Variants in DNAH9 observed in about 807,000 individuals in gnomAD.
The protein encoded by DNAH9 is DNAH9 variant protein.
DNAH9 carries 345 observed loss-of-function variants against 471.6 expected under a neutral mutation model. The observed-to-expected ratio is 0.73, with a 90% CI of 0.67 to 0.80. The LOEUF (loss-of-function observed/expected upper bound fraction) is 0.80. Ranked by LOEUF, DNAH9 falls within the 30% of genes least tolerant of loss-of-function variation. The pLI, the probability that DNAH9 is intolerant of heterozygous loss-of-function variation, is 0.00. For missense variants in DNAH9, 5,407 were observed against 5,609.2 expected, an observed-to-expected ratio of 0.96 and a Z score of 1.15; for synonymous variants, 2,093 against 2,123.6, an observed-to-expected ratio of 0.99 and a Z score of 0.40.
At chr17:11,683,457 C>A (rs1427119711) in intron 19 of DNAH9, among the ~76,000 whole-genome samples, 1 of 152,166 alleles carries the variant, frequency 6.6e-6, no homozygotes, top group African/African-American at 2.4e-5. Context: ...CAGGCATGAA[C>A]CACCACGCCC....
Position 11,756,610 on chromosome 17 carries a change from A to G in DNAH9, c.6781A>G (p.Thr2261Ala). 6.2e-7 allele frequency: 1 copy of G among 1,613,830 alleles called. No individual in the cohort carries two copies. Among genetic ancestry groups the G allele is most frequent in the Non-Finnish European group, 8.5e-7 (1 of 1,179,816 alleles). ...ASNERIPLNP[T>A]MKLLFEISHL... ...CAATGAGAGGATTCCTCTGAACCCC[A>G]CCATGAAGCTCCTCTTTGAGATCAG... The change falls in exon 34 of 69, where the codon ACC becomes GCC. Residue 2261 changes from threonine (T) to alanine (A), a missense_variant. Thr to Ala is a moderately conservative substitution (Grantham distance 58, BLOSUM62 0). This residue lies in a region of DNAH9 where 4,636 missense variants were observed against 4,900.3 expected (regional missense o/e 0.95). Coordinates refer to ENST00000262442, the MANE Select transcript of DNAH9 (RefSeq NM_001372.4).
Position 11,652,907 on chromosome 17 carries a change from G to A in DNAH9, c.2500G>A (p.Glu834Lys), listed in dbSNP as rs1440231286. Reference sequence around the variant, plus strand: ...ATTTAAGACAAAAGATGGAAAAAGGGAATCCCTTCTTTCTCTGGATGATCG... The same window carrying A: ...ATTTAAGACAAAAGATGGAAAAAGGAAATCCCTTCTTTCTCTGGATGATCG... ...PIFKTKDGKR[E>K]SLLSLDDRHD... is the part of the protein sequence containing the mutation. Residue 834 changes from glutamate (E) to lysine (K), a missense_variant, in exon 14 of 69, where the codon GAA becomes AAA. Physicochemically the swap from Glu to Lys is moderately conservative, Grantham distance 56. Around this residue, in one of 3 missense-constraint regions of DNAH9, gnomAD observed 4,636 missense variants for 4,900.3 expected, o/e 0.95. Transcript: ENST00000262442. 5 of 1,613,966 alleles carry A rather than the reference G, an allele frequency of 3.1e-6. No homozygotes were observed. The highest frequency in any genetic ancestry group is 4.2e-6 in the Non-Finnish European group (5 of 1,179,876).
intron 6 of DNAH9, among the ~76,000 whole-genome samples, chr17:11,627,871 G>T (rs935141666): frequency 6.6e-6 from 1 of 152,130 alleles, no homozygotes; most frequent in African/African-American, 2.4e-5. Context: ...CCACTTCCCA[G>T]CGCCTCTGTC....
intron 52 of DNAH9, among the ~76,000 whole-genome samples, chr17:11,874,074 G>A (rs1486989627): frequency 4.0e-5 from 6 of 151,898 alleles, no homozygotes; most frequent in South Asian, 2.1e-4. Context: ...GTGAAACCTC[G>A]TCTCTACTAA....
chr17:11,706,346 G>T (rs1437340877), intron 26 of DNAH9, among the ~76,000 whole-genome samples: 1 of 152,018 alleles, frequency 6.6e-6, no homozygotes, highest in Non-Finnish European at 1.5e-5. Context: ...ACACATGAAT[G>T]AATTCACGCC....
At chr17:11,818,925 C>T (rs1214202231) in intron 45 of DNAH9, among the ~76,000 whole-genome samples, 1 of 150,392 alleles carries the variant, frequency 6.6e-6, no homozygotes, top group African/African-American at 2.4e-5. Context: ...GCAGTTTTCT[C>T]TTTTCCTCCA....
chr17:11,884,651 G>T lies in DNAH9; in HGVS notation c.10971+901G>T, dbSNP rs867237519. ...CCAGGTCATACCCACTCTGGGGTGA[G>T]GGACAGTTGAGGTTGGAGTGATGAG... On this transcript the variant is annotated intron_variant, in intron 56 of 68. Transcript: ENST00000262442. 6 of 441,738 alleles carry T rather than the reference G, an allele frequency of 1.4e-5. No homozygotes were observed. The Middle Eastern group carries it at 1.7e-3, about 123-fold the overall frequency. The allele number at this position is 441,738 out of a possible 1,614,324, so 27.4% of individuals were successfully genotyped here. A position where few individuals can be genotyped will look rare whatever the true frequency, so the allele number is the denominator to read the frequency against.
At chr17:11,646,412 G>A (rs892429933) in intron 11 of DNAH9, among the ~76,000 whole-genome samples, 4 of 152,088 alleles carry the variant, frequency 2.6e-5, no homozygotes, top group East Asian at 1.9e-4. Flanking sequence ...TTGTATCCCC[G>A]AAGTCCAGCA....
chr17:11,892,477 C>T lies in DNAH9; in HGVS notation c.11283+530C>T, dbSNP rs566934143. The stretch of plus-strand genomic sequence containing the variant: ...CAAGGGTTTGGGAAGCAGGGATTTC[C>T]GATGTTGCTGCATCTTTAAGAAGAA... On this transcript the variant is annotated intron_variant, in intron 58 of 68. Transcript: ENST00000262442. This position sits in a 1 kb window ranked among gnomAD's most constrained non-coding sequence, Gnocchi z 4.3. 5.3e-5 allele frequency among the ~76,000 whole-genome samples: 8 copies of T among 152,276 alleles called. No individual in the cohort carries two copies. Among genetic ancestry groups the T allele is most frequent in the East Asian group, 1.9e-4 (1 of 5,188 alleles).
intron 12 of DNAH9, among the ~76,000 whole-genome samples, chr17:11,648,647 A>G (rs967511080): frequency 9.2e-5 from 14 of 152,086 alleles, no homozygotes; most frequent in African/African-American, 3.4e-4. Context: ...CACACTTTAT[A>G]GATGTTTGCA....
At chr17:11,677,598 A>G (rs1214038959) in intron 17 of DNAH9, among the ~76,000 whole-genome samples, 2 of 152,098 alleles carry the variant, frequency 1.3e-5, no homozygotes, top group African/African-American at 4.8e-5. Context: ...AGCAATATGT[A>G]TTTTTTAACT....
intron 67 of DNAH9, among the ~76,000 whole-genome samples, chr17:11,956,054 A>G (rs1340891728): frequency 6.6e-6 from 1 of 152,228 alleles, no homozygotes; most frequent in Non-Finnish European, 1.5e-5. Flanking sequence ...AGCAGTCTCA[A>G]GCTTGCCCAT....
intron 37 of DNAH9, 140 bp downstream of exon 37, chr17:11,768,766 A>AG (rs1465452808): frequency 9.6e-7 from 1 of 1,038,832 alleles, no homozygotes; most frequent in Non-Finnish European, 1.4e-6. Context: ...GACTTTGCAG[A>AG]GGAGATGATG....
intron 38 of DNAH9, among the ~76,000 whole-genome samples, chr17:11,779,931 A>G (rs1385277124): frequency 6.6e-6 from 1 of 152,262 alleles, no homozygotes; most frequent in Non-Finnish European, 1.5e-5. Flanking sequence ...TGTCACCTTC[A>G]TATGTCTATT....
chr17:11,810,312 G>A lies in DNAH9; in HGVS notation c.8650G>A (p.Asp2884Asn), dbSNP rs1180353230. 1 of 1,613,840 alleles carries A rather than the reference G, an allele frequency of 6.2e-7. No homozygotes were observed. The highest frequency in any genetic ancestry group is 8.5e-7 in the Non-Finnish European group (1 of 1,179,884). ...TCTCAACACAGTGTTTCTCATGACT[G>A]ATGCCCAAGTGGCTGATGAGAGGTT... ...KNLNTVFLMTDAQVADERFLV... is the reference protein window; with the variant it reads ...KNLNTVFLMTNAQVADERFLV... The change falls in exon 45 of 69, where the codon GAT (aspartate) becomes AAT (asparagine). Residue 2884 changes from aspartate to asparagine, a missense_variant. This residue lies in a region of DNAH9 where 4,636 missense variants were observed against 4,900.3 expected (regional missense o/e 0.95). Transcript: ENST00000262442.
intron 59 of DNAH9, among the ~76,000 whole-genome samples, chr17:11,896,919 C>T (rs1443356458): frequency 6.6e-6 from 1 of 152,110 alleles, no homozygotes; most frequent in African/African-American, 2.4e-5. Flanking sequence ...GGTGAAACCC[C>T]GTCTCAACTA....
intron 61 of DNAH9, among the ~76,000 whole-genome samples, chr17:11,920,199 G>T (rs1974092855): frequency 6.6e-6 from 1 of 151,794 alleles, no homozygotes; most frequent in Admixed American, 6.6e-5. Context: ...ACCATGCCTG[G>T]CTAATTTTGT....
intron 44 of DNAH9, among the ~76,000 whole-genome samples, chr17:11,808,721 T>G (rs1191437911): frequency 6.6e-6 from 1 of 152,216 alleles, no homozygotes; most frequent in South Asian, 2.1e-4. Flanking sequence ...GCTGAGACTG[T>G]GGGTCTCAAC....
chr17:11,830,200 C>A (rs117670428), intron 48 of DNAH9, among the ~76,000 whole-genome samples: 3,675 of 152,310 alleles, frequency 0.024, 83 homozygotes, highest in Admixed American at 0.088. Flanking sequence ...GTCATTGCTT[C>A]CTTTCTCTTG....
Sources: allele counts gnomAD v4.1 joint callset (sites outside exome capture counted in the v4.1 genomes callset), GRCh38; gene constraint gnomAD v4.1.1; regional missense constraint gnomAD v4.1.1; non-coding constraint Gnocchi (gnomAD v3.1); transcripts MANE v1.5; gene names NCBI Gene and HGNC (gene_info 2026-07-23, HGNC 2026-07-21).